Variants in HBS1L observed in about 807,000 individuals in gnomAD.
HBS1L encodes HBS1-like protein.
Under a neutral mutation model 88.9 loss-of-function variants are expected in HBS1L, and 55 were observed. That is an observed-to-expected ratio of 0.62 (90% confidence interval 0.50 to 0.77). The LOEUF (loss-of-function observed/expected upper bound fraction) is 0.77, where lower values mean the gene tolerates loss of function less well. HBS1L is among the 30% of genes least tolerant of loss of function. The pLI is 0.00. For synonymous variants in HBS1L, 267 were observed against 288.5 expected, an observed-to-expected ratio of 0.93 and a Z score of 0.76; for missense variants, 741 against 829.3, an observed-to-expected ratio of 0.89 and a Z score of 1.31.
chr6:134,997,052 C>A, intron 6 of HBS1L, 110 bp from the exon 7 acceptor site: 1 of 794,198 alleles, frequency 1.3e-6, no homozygotes, highest in South Asian at 2.0e-5. Context: ...TACAGTAATA[C>A]CAGTATTTAT....
chr6:134,968,911 AT>A (rs1774400118), intron 16 of HBS1L, among the ~76,000 whole-genome samples: 1 of 152,138 alleles, frequency 6.6e-6, no homozygotes, highest in Admixed American at 6.6e-5. Flanking sequence ...GTCTAGACAT[AT>A]TTTTTTAAAT....
At chr6:135,034,989 C>T (rs547743763) in intron 4 of HBS1L, among the ~76,000 whole-genome samples, 16 of 152,146 alleles carry the variant, frequency 1.1e-4, no homozygotes, top group Admixed American at 2.6e-4. Context: ...GTAATTCCTC[C>T]AGTGATTCTG....
chr6:134,966,342 C>G lies in HBS1L; in HGVS notation c.2030G>C (p.Gly677Ala). The stretch of plus-strand genomic sequence containing the variant: ...AAAATAAAATACCTCAGTGACAACA[C>G]CAGCAGCTATTGTAGAACCACCGTA... Reference protein sequence around the residue: ...LRYGGSTIAAGVVTEIKE With the variant: ...LRYGGSTIAAAVVTEIKE Residue 677 changes from glycine to alanine, a missense_variant, in exon 17 of 18, where the codon GGT becomes GCT. Gly to Ala is a moderately conservative substitution (Grantham distance 60). This residue lies in a region of HBS1L where 181 missense variants were observed against 212.7 expected (regional missense o/e 0.85). Transcript: ENST00000367837. 6.2e-7 allele frequency: 1 copy of G among 1,610,844 alleles called. No homozygotes were observed. The highest frequency in any genetic ancestry group is 1.7e-5 in the Admixed American group (1 of 59,764).
chr6:135,027,359 T>TAC (rs1409573140), intron 4 of HBS1L, among the ~76,000 whole-genome samples: 7 of 151,952 alleles, frequency 4.6e-5, no homozygotes, highest in African/African-American at 1.7e-4. Context: ...CACACTCTGA[T>TAC]AAACAGTATA....
chr6:135,035,941 T>C (rs1335352836), intron 4 of HBS1L: 81 of 584,746 alleles, frequency 1.4e-4, no homozygotes, highest in Non-Finnish European at 1.7e-4. Flanking sequence ...AATTCACATA[T>C]TAATCCAACT....
intron 3 of HBS1L, among the ~76,000 whole-genome samples, chr6:135,040,655 T>G (rs1412669004): frequency 6.6e-6 from 1 of 152,068 alleles, no homozygotes; most frequent in Non-Finnish European, 1.5e-5. Context: ...CAGCCGGCAT[T>G]CACTTTTAAA....
intron 15 of HBS1L, among the ~76,000 whole-genome samples, chr6:134,978,281 G>C (rs1464121090): frequency 6.6e-6 from 1 of 151,750 alleles, no homozygotes; most frequent in East Asian, 1.9e-4. Flanking sequence ...TTTATTATCA[G>C]AAAAACTGCA....
intron 4 of HBS1L, chr6:135,037,771 T>C (rs964081037): frequency 4.6e-5 from 71 of 1,550,574 alleles, no homozygotes; most frequent in Non-Finnish European, 6.0e-5. Flanking sequence ...TGACATATCA[T>C]GAATTAGGTT....
chr6:134,992,917 C>T (rs779673169), intron 8 of HBS1L, among the ~76,000 whole-genome samples: 17 of 152,280 alleles, frequency 1.1e-4, no homozygotes, highest in Non-Finnish European at 2.2e-4. Context: ...TCCAGTCCTG[C>T]GAGCTCCATT....
intron 4 of HBS1L, chr6:135,036,971 T>G: frequency 6.4e-7 from 1 of 1,551,494 alleles, no homozygotes; most frequent in South Asian, 1.2e-5. Context: ...GGGTTTTTTA[T>G]AAGGACACTA....
chr6:134,969,837 T>G (rs1448365190), intron 15 of HBS1L, among the ~76,000 whole-genome samples: 1 of 152,186 alleles, frequency 6.6e-6, no homozygotes, highest in Non-Finnish European at 1.5e-5. Flanking sequence ...TCAGACACAG[T>G]GCTTGCCATG....
chr6:134,992,438 C>T (rs1775168076), intron 8 of HBS1L, among the ~76,000 whole-genome samples: 1 of 151,986 alleles, frequency 6.6e-6, no homozygotes. Context: ...TACTGCGCTG[C>T]CAATTGTATA....
chr6:135,031,599 G>C (rs941627439), intron 4 of HBS1L, among the ~76,000 whole-genome samples: 10 of 151,998 alleles, frequency 6.6e-5, no homozygotes, highest in Non-Finnish European at 8.8e-5. Flanking sequence ...AGAGAAGGTG[G>C]CACCTTGGAT....
intron 4 of HBS1L, among the ~76,000 whole-genome samples, chr6:135,009,756 C>T (rs1200658472): frequency 1.3e-5 from 2 of 151,920 alleles, no homozygotes; most frequent in Non-Finnish European, 2.9e-5. Flanking sequence ...ACCTCAGCCT[C>T]CCGAGTAGCT....
intron 8 of HBS1L, among the ~76,000 whole-genome samples, chr6:134,989,820 A>T (rs1178368757): frequency 6.6e-6 from 1 of 152,208 alleles, no homozygotes; most frequent in African/African-American, 2.4e-5. Context: ...TCTTTTGATC[A>T]AGGATTCTTA....
chr6:134,973,906 T>C (rs1204865872), intron 15 of HBS1L, among the ~76,000 whole-genome samples: 1 of 151,950 alleles, frequency 6.6e-6, no homozygotes, highest in African/African-American at 2.4e-5. Flanking sequence ...CCACTGATTG[T>C]ACACTTAAAA....
intron 4 of HBS1L, among the ~76,000 whole-genome samples, chr6:135,009,852 G>C (rs1487716701): frequency 6.7e-6 from 1 of 150,068 alleles, no homozygotes; most frequent in East Asian, 2.0e-4. Context: ...CTGTGGTCTC[G>C]ATCTCCTGAC....
chr6:135,029,238 C>A (rs1422347928), intron 4 of HBS1L, among the ~76,000 whole-genome samples: 2 of 151,968 alleles, frequency 1.3e-5, no homozygotes, highest in African/African-American at 2.4e-5. Flanking sequence ...TGAATATATA[C>A]AAATTCAAAA....
chr6:135,043,594 A>C (rs181548712), intron 2 of HBS1L, among the ~76,000 whole-genome samples: 187 of 152,358 alleles, frequency 1.2e-3, no homozygotes, highest in African/African-American at 4.3e-3. Context: ...AGGGCAAAGA[A>C]GAAAAACGTA....
Sources: gnomAD v4.1 joint callset for allele counts (sites outside exome capture counted in the v4.1 genomes callset) on GRCh38, gnomAD v4.1.1 for gene constraint, gnomAD v4.1.1 regional missense constraint, MANE v1.5 for transcripts, NCBI Gene and HGNC (gene_info 2026-07-23, HGNC 2026-07-21) for gene names.